SORCS2: variants seen among roughly 807,000 people sequenced by gnomAD.
SORCS2 encodes VPS10 domain-containing receptor SorCS2.
SORCS2 carries 100 observed loss-of-function variants against 141.6 expected under a neutral mutation model. The ratio of observed to expected loss-of-function variants is 0.71; its 90% CI spans 0.60 to 0.83. The LOEUF is 0.83. Ranked by LOEUF, SORCS2 falls within the 40% of genes least tolerant of loss-of-function variation. The probability of loss-of-function intolerance (pLI) is 0.00; values close to 1 mark genes in which losing one functional copy is unlikely to be tolerated. For synonymous variants in SORCS2, 789 were observed against 676.9 expected (o/e 1.17, Z -2.57); for missense variants, 1,646 against 1,560.2 (o/e 1.05, Z -0.93).
rs147641874 is a variant in SORCS2 at position 7,504,183 on chromosome 4, C to G, written c.549-27347C>G. 5.3e-3 allele frequency among the ~76,000 whole-genome samples: 814 copies of G among 152,374 alleles called. 6 individuals are homozygous for G. Among genetic ancestry groups the G allele is most frequent in the South Asian group, 0.016 (75 of 4,832 alleles). ...TGCTCAGGGACCCTTGGGAATCACA[C>G]ACCGGGATCCTCACTCCCAGCTCAA... On this transcript the variant is annotated intron_variant, in intron 2 of 26. Coordinates refer to ENST00000507866, the MANE Select transcript of SORCS2 (RefSeq NM_020777.3).
chr4:7,221,033 T>C (rs546489814), intron 1 of SORCS2, among the ~76,000 whole-genome samples: 2 of 152,330 alleles, frequency 1.3e-5, no homozygotes, highest in South Asian at 2.1e-4. Flanking sequence ...TAATAAATCA[T>C]AATTATTTTT....
chr4:7,385,828 G>C (rs945322492), intron 1 of SORCS2, among the ~76,000 whole-genome samples: 5 of 152,214 alleles, frequency 3.3e-5, no homozygotes, highest in Non-Finnish European at 7.3e-5. Context: ...CCTCGATTGG[G>C]ACCAGATGTC....
At chr4:7,714,100 C>T (rs538045792) in intron 15 of SORCS2, 140 bp from the exon 16 acceptor site, 1 of 1,253,854 alleles carries the variant, frequency 8.0e-7, no homozygotes, top group Non-Finnish European at 1.1e-6. Context: ...ACATGTCACG[C>T]CCCATTATGG....
intron 17 of SORCS2, among the ~76,000 whole-genome samples, chr4:7,717,066 G>C (rs1008125653): frequency 6.6e-6 from 1 of 152,230 alleles, no homozygotes; most frequent in Non-Finnish European, 1.5e-5. Flanking sequence ...CACTTTCACA[G>C]ACGCATAGTG....
At chr4:7,686,007 A>G (rs951583657) in intron 10 of SORCS2, among the ~76,000 whole-genome samples, 3 of 152,206 alleles carry the variant, frequency 2.0e-5, no homozygotes, top group African/African-American at 7.2e-5. Flanking sequence ...GTTCTTTACA[A>G]TCTTTTCGCT....
chr4:7,628,519 GA>G lies in SORCS2; in HGVS notation c.649-9795del, dbSNP rs11461925. On this transcript the variant is annotated intron_variant, in intron 3 of 26. Coordinates refer to ENST00000507866, the MANE Select transcript of SORCS2 (RefSeq NM_020777.3). ...GGGCAAAAGAGTGAGACTCCGTCTCGAAAAAAAAAAAAAAGCTAGAAGTGAG... is the reference window on the plus strand; with the variant it reads ...GGGCAAAAGAGTGAGACTCCGTCTCGAAAAAAAAAAAAAGCTAGAAGTGAG... Among the ~76,000 whole-genome samples the G allele has an allele frequency of 3.9e-3, 534 of 135,368 alleles. 2 individuals are homozygous for G. The highest frequency in any genetic ancestry group is 9.5e-3 in the African/African-American group (342 of 35,974). The allele number at this position is 135,368 out of a possible 152,430, so 88.8% of individuals were successfully genotyped here. A position where few individuals can be genotyped will look rare whatever the true frequency, so the allele number is the denominator to read the frequency against.
chr4:7,285,253 G>A (rs183119303), intron 1 of SORCS2, among the ~76,000 whole-genome samples: 10 of 152,038 alleles, frequency 6.6e-5, no homozygotes, highest in Admixed American at 5.2e-4. Context: ...GGCTGGTCTC[G>A]AACTCCTGAC....
At chr4:7,542,485 A>T (rs1407238460) in intron 3 of SORCS2, among the ~76,000 whole-genome samples, 1 of 152,202 alleles carries the variant, frequency 6.6e-6, no homozygotes, top group African/African-American at 2.4e-5. Context: ...GGCCAGGATG[A>T]CAGAGGCTGA....
At chr4:7,662,151 G>A (rs1001125503) in intron 6 of SORCS2, among the ~76,000 whole-genome samples, 2 of 152,154 alleles carry the variant, frequency 1.3e-5, no homozygotes, top group African/African-American at 4.8e-5. Flanking sequence ...AGTGAATGCA[G>A]AGTCCTCAAC....
intron 1 of SORCS2, among the ~76,000 whole-genome samples, chr4:7,359,721 G>A (rs1371812522): frequency 3.9e-5 from 6 of 152,158 alleles, no homozygotes; most frequent in African/African-American, 1.2e-4. Flanking sequence ...ATTCCATTCC[G>A]TGGCTGTAGG....
chr4:7,434,374 C>G (rs1465918907), intron 2 of SORCS2: 26 of 1,607,510 alleles, frequency 1.6e-5, no homozygotes, highest in South Asian at 2.2e-5. Flanking sequence ...GGTAAGGGGC[C>G]CATTGGCCAT....
intron 3 of SORCS2, among the ~76,000 whole-genome samples, chr4:7,636,937 G>T (rs1156302680): frequency 6.6e-6 from 1 of 152,046 alleles, no homozygotes; most frequent in African/African-American, 2.4e-5. Flanking sequence ...GTTCTGTGCC[G>T]CTCCCAGCTT....
At chr4:7,700,697 C>T (rs1311176316) in intron 12 of SORCS2, among the ~76,000 whole-genome samples, 1 of 152,162 alleles carries the variant, frequency 6.6e-6, no homozygotes, top group African/African-American at 2.4e-5. Flanking sequence ...ACTCCCCTGC[C>T]CCCGCTCCAC....
chr4:7,208,564 G>A (rs1237843126), intron 1 of SORCS2, among the ~76,000 whole-genome samples: 1 of 152,190 alleles, frequency 6.6e-6, no homozygotes, highest in Non-Finnish European at 1.5e-5. Context: ...GGATGACCAC[G>A]GCTGTTTCAA....
chr4:7,321,958 C>T (rs1411927918), intron 1 of SORCS2, among the ~76,000 whole-genome samples: 10 of 152,162 alleles, frequency 6.6e-5, no homozygotes, highest in African/African-American at 2.2e-4. Context: ...GCATTTAGCC[C>T]GGGTGGCTGT....
chr4:7,286,462 A>G lies in SORCS2; in HGVS notation c.480+93336A>G, dbSNP rs1249379199. On this transcript the variant is annotated intron_variant, in intron 1 of 26. Transcript: ENST00000507866. This position sits in a 1 kb window ranked among gnomAD's most constrained non-coding sequence, Gnocchi z 4.1. ...CGAGGCCTGACGTTGGAGATGCACC[A>G]TCCTCTCAGCCCTGTTTCTCTTCTT... Among the ~76,000 whole-genome samples, 2 of 152,172 alleles carry G rather than the reference A, an allele frequency of 1.3e-5. No homozygotes were observed. Among genetic ancestry groups the G allele is most frequent in the Non-Finnish European group, 2.9e-5 (2 of 68,040 alleles).
Position 7,664,575 on chromosome 4 carries a change from G to A in SORCS2, c.1071+104G>A. The stretch of plus-strand genomic sequence containing the variant: ...GCTCAGAAAAGAGGCAATAAAACGG[G>A]TATTTCACTCTCAAATGCTACTTCG... On this transcript the variant is annotated intron_variant, in intron 7 of 26. Transcript: ENST00000507866. This position sits in a 1 kb window ranked among gnomAD's most constrained non-coding sequence, Gnocchi z 4.7. 1.3e-6 allele frequency: 1 copy of A among 773,254 alleles called. No individual in the cohort carries two copies. The highest frequency in any genetic ancestry group is 2.1e-6 in the Non-Finnish European group (1 of 476,904). 47.9% of individuals were successfully genotyped at this position (773,254 alleles called of 1,614,324 possible).
intron 9 of SORCS2, among the ~76,000 whole-genome samples, chr4:7,680,174 T>A (rs1335420286): frequency 6.6e-6 from 1 of 152,218 alleles, no homozygotes; most frequent in African/African-American, 2.4e-5. Context: ...GCAAACGATG[T>A]GCAGCCATTT....
chr4:7,569,088 G>A (rs1257176943), intron 3 of SORCS2, among the ~76,000 whole-genome samples: 1 of 152,202 alleles, frequency 6.6e-6, no homozygotes, highest in East Asian at 1.9e-4. Flanking sequence ...TCTGGAAGCT[G>A]CTTCCATTTC....
Sources: gnomAD v4.1 joint callset for allele counts (sites outside exome capture counted in the v4.1 genomes callset) on GRCh38, gnomAD v4.1.1 for gene constraint, Gnocchi (gnomAD v3.1) non-coding constraint, MANE v1.5 for transcripts, NCBI Gene and HGNC (gene_info 2026-07-23, HGNC 2026-07-21) for gene names.